RYR2: variants seen among roughly 807,000 people sequenced by gnomAD.
The protein encoded by RYR2 is cardiac muscle ryanodine receptor-calcium release channel.
A neutral mutation model predicts 601.1 loss-of-function variants in RYR2; 227 were observed. That is an observed-to-expected ratio of 0.38 (90% CI 0.34 to 0.42). The LOEUF (loss-of-function observed/expected upper bound fraction) is 0.42, where lower values mean the gene tolerates loss of function less well. RYR2 is among the 10% of genes least tolerant of loss of function. The pLI is 1.00. For missense variants in RYR2, 4,646 were observed against 6,156.5 expected, an observed-to-expected ratio of 0.75 and a Z score of 8.21; for synonymous variants, 2,223 against 2,175.1, an observed-to-expected ratio of 1.02 and a Z score of -0.61.
In RYR2 at chr1:237,651,598, C is replaced by A. The variant is rs2184014; in HGVS notation, c.7824+97C>A. The stretch of plus-strand genomic sequence containing the variant: ...CATTTCTTAGATACATCATGCTTGA[C>A]GCTGGGAAATTTCTCCCAATTATTG... On this transcript the variant is annotated intron_variant, in intron 51 of 104. Transcript: ENST00000366574. 354,752 of 769,844 alleles carry A rather than the reference C, an allele frequency of 0.46. 85,591 individuals are homozygous for A. Among genetic ancestry groups the A allele is most frequent in the East Asian group, 0.81 (28,880 of 35,618 alleles). 47.7% of individuals were successfully genotyped at this position (769,844 alleles called of 1,614,324 possible).
In RYR2 at chr1:237,082,302, C is replaced by A. The variant is rs535410502; in HGVS notation, c.48+39733C>A. On this transcript the variant is annotated intron_variant, in intron 1 of 104. Transcript: ENST00000366574. ...CAGAGCCTAAGCACTAAGCACTAAG[C>A]ATGACTCTATTCTGCTATTAAGACA... Among the ~76,000 whole-genome samples, 21 of 140,710 alleles carry A rather than the reference C, an allele frequency of 1.5e-4. No individual in the cohort carries two copies. In the East Asian group the frequency reaches 3.1e-3, roughly 21 times the overall value. The allele number at this position is 140,710 out of a possible 152,430, so 92.3% of individuals were successfully genotyped here.
chr1:237,754,725 T>A (rs145606530), intron 80 of RYR2, among the ~76,000 whole-genome samples: 89 of 152,336 alleles, frequency 5.8e-4, no homozygotes, highest in African/African-American at 2.0e-3. Flanking sequence ...AAAGGAAGAA[T>A]CAGATGTTGC....
intron 101 of RYR2, among the ~76,000 whole-genome samples, chr1:237,820,545 C>T (rs994417088): frequency 6.6e-6 from 1 of 152,244 alleles, no homozygotes; most frequent in African/African-American, 2.4e-5. Flanking sequence ...GGGACATTCC[C>T]TCCACTGCCT....
intron 21 of RYR2, among the ~76,000 whole-genome samples, chr1:237,502,481 G>C (rs1664744673): frequency 6.6e-6 from 1 of 152,162 alleles, no homozygotes; most frequent in Non-Finnish European, 1.5e-5. Flanking sequence ...CTACGGGCCA[G>C]GGCTGGGGTT....
chr1:237,417,183 T>A, intron 11 of RYR2, 60 bp downstream of exon 11: 2 of 1,324,204 alleles, frequency 1.5e-6, no homozygotes. Flanking sequence ...CTCAGCGTTG[T>A]GCTTCTGTGT....
At chr1:237,612,588 T>G (rs1678003732) in intron 36 of RYR2, among the ~76,000 whole-genome samples, 1 of 152,194 alleles carries the variant, frequency 6.6e-6, no homozygotes, top group Non-Finnish European at 1.5e-5. Context: ...CAGTTTGATT[T>G]TAATTTTGTA....
chr1:237,274,873 G>A (rs1414581780), intron 2 of RYR2, among the ~76,000 whole-genome samples: 2 of 152,062 alleles, frequency 1.3e-5, no homozygotes, highest in Non-Finnish European at 2.9e-5. Flanking sequence ...GTATAGTCAT[G>A]TGTTGTACAG....
At chr1:237,073,763 C>T (rs111990793) in intron 1 of RYR2, among the ~76,000 whole-genome samples, 21,483 of 150,778 alleles carry the variant, frequency 0.14, 1,598 homozygotes, top group African/African-American at 0.18. Flanking sequence ...CCCAGCTACT[C>T]AGGAGGCTGA....
intron 1 of RYR2, among the ~76,000 whole-genome samples, chr1:237,077,683 T>G (rs1360364936): frequency 6.7e-6 from 1 of 149,678 alleles, no homozygotes; most frequent in African/African-American, 2.4e-5. Context: ...AATGGGAGAC[T>G]TTAACACCCC....
intron 27 of RYR2, among the ~76,000 whole-genome samples, chr1:237,558,185 G>C (rs74150116): frequency 6.6e-6 from 1 of 152,086 alleles, no homozygotes; most frequent in Non-Finnish European, 1.5e-5. Context: ...AAGGTTAGTA[G>C]GAAAGAAGTA....
At chr1:237,293,855 G>T (rs1204044965) in intron 2 of RYR2, among the ~76,000 whole-genome samples, 2 of 152,042 alleles carry the variant, frequency 1.3e-5, no homozygotes, top group Non-Finnish European at 2.9e-5. Context: ...CATTTTGTAG[G>T]CATGGTTGAT....
chr1:237,414,989 T>G (rs976157920), intron 10 of RYR2, among the ~76,000 whole-genome samples: 12 of 74,324 alleles, frequency 1.6e-4, no homozygotes, highest in African/African-American at 4.1e-4. Context: ...CTGACAATGT[T>G]GGAGAACTCT....
At chr1:237,402,414 A>G (rs961844084) in intron 10 of RYR2, among the ~76,000 whole-genome samples, 8 of 151,442 alleles carry the variant, frequency 5.3e-5, no homozygotes, top group Admixed American at 3.9e-4. Flanking sequence ...AAAAATATAT[A>G]TATGTATGAT....
At chr1:237,464,291 G>A (rs1022123381) in intron 16 of RYR2, among the ~76,000 whole-genome samples, 14 of 151,960 alleles carry the variant, frequency 9.2e-5, no homozygotes, top group South Asian at 2.1e-4. Flanking sequence ...TTTTATTGTC[G>A]TCTATTTTTT....
At chr1:237,604,585 A>G (rs1676891739) in intron 35 of RYR2, among the ~76,000 whole-genome samples, 1 of 152,198 alleles carries the variant, frequency 6.6e-6, no homozygotes, top group African/African-American at 2.4e-5. Flanking sequence ...GCAGAACTGA[A>G]GGAGATAGAG....
rs1684358580 is a variant in RYR2 at position 237,666,728 on chromosome 1, A to G, written c.8514+139A>G. ...AATGGATCCATGGAATTTATAGATT[A>G]TATACTCTAATTTTTTAATGCTATC... On this transcript the variant is annotated intron_variant, in intron 57 of 104. Coordinates refer to ENST00000366574, the MANE Select transcript of RYR2 (RefSeq NM_001035.3). The G allele has an allele frequency of 1.2e-5, 8 of 684,888 alleles. No individual in the cohort carries two copies. In the East Asian group the frequency reaches 2.4e-4, roughly 21 times the overall value. The allele number at this position is 684,888 out of a possible 1,614,324, so 42.4% of individuals were successfully genotyped here.
At chr1:237,121,552 T>G (rs1224126084) in intron 1 of RYR2, among the ~76,000 whole-genome samples, 1 of 152,228 alleles carries the variant, frequency 6.6e-6, no homozygotes, top group African/African-American at 2.4e-5. Flanking sequence ...TCCTAGGATT[T>G]TCCCCAAATT....
At chr1:237,112,822 T>C (rs866927818) in intron 1 of RYR2, among the ~76,000 whole-genome samples, 1 of 152,328 alleles carries the variant, frequency 6.6e-6, no homozygotes, top group Middle Eastern at 3.4e-3. Flanking sequence ...TGGCTCCTAT[T>C]TGGTTTATGC....
chr1:237,674,295 C>T, intron 59 of RYR2, 76 bp downstream of exon 59: 1 of 1,164,112 alleles, frequency 8.6e-7, no homozygotes, highest in Admixed American at 2.1e-5. Flanking sequence ...ATATTTAAAG[C>T]TGAAAATGAA....
Sources: gnomAD v4.1 joint callset for allele counts (sites outside exome capture counted in the v4.1 genomes callset) on GRCh38, gnomAD v4.1.1 for gene constraint, MANE v1.5 for transcripts, NCBI Gene and HGNC (gene_info 2026-07-23, HGNC 2026-07-21) for gene names.